Variants in ELAVL1 observed in about 807,000 individuals in gnomAD.
ELAVL1 encodes the protein ELAV-like protein 1.
Under a neutral mutation model 28.4 loss-of-function variants are expected in ELAVL1, and 1 was observed. The ratio of observed to expected loss-of-function variants is 0.04; its 90% CI spans 0.01 to 0.17. The LOEUF (loss-of-function observed/expected upper bound fraction) is 0.17. Ranked by LOEUF, ELAVL1 falls within the 10% of genes least tolerant of loss-of-function variation. The pLI is 1.00. For missense variants in ELAVL1, 157 were observed against 447.2 expected (o/e 0.35, Z 5.85); for synonymous variants, 174 against 183.5 (o/e 0.95, Z 0.42).
At chr19:7,986,466 G>A (rs946536047) in intron 2 of ELAVL1, among the ~76,000 whole-genome samples, 6 of 152,352 alleles carry the variant, frequency 3.9e-5, no homozygotes, top group South Asian at 4.1e-4. Context: ...CACCCTGATC[G>A]GATGTCGCTC....
intron 5 of ELAVL1, among the ~76,000 whole-genome samples, chr19:7,965,002 G>A (rs948945506): frequency 6.6e-6 from 1 of 152,214 alleles, no homozygotes; most frequent in South Asian, 2.1e-4. Flanking sequence ...CGGGGTAAAC[G>A]AGTGCCTTCA....
At chr19:7,973,197 C>T (rs1012395620) in intron 4 of ELAVL1, 1 of 158,150 alleles carries the variant, frequency 6.3e-6, no homozygotes, top group Admixed American at 6.5e-5. Context: ...TTGGCGTTTT[C>T]ACTGTACATG....
intron 2 of ELAVL1, among the ~76,000 whole-genome samples, chr19:7,984,460 A>C (rs1305629596): frequency 6.6e-6 from 1 of 152,322 alleles, no homozygotes; most frequent in South Asian, 2.1e-4. Flanking sequence ...GTATTCCCAG[A>C]AAGTAGAGGT....
At position 7,959,587 on chromosome 19, in the gene ELAVL1, G is replaced by A. The variant is rs148294983; in HGVS notation, c.*3896C>T. The A allele has an allele frequency of 1.3e-5, 2 of 152,118 alleles. No homozygotes were observed. The highest frequency in any genetic ancestry group is 2.9e-5 in the Non-Finnish European group (2 of 68,030). The allele number at this position is 152,118 out of a possible 1,614,324, so 9.4% of individuals were successfully genotyped here. A position where few individuals can be genotyped will look rare whatever the true frequency, so the allele number is the denominator to read the frequency against. On this transcript the variant is annotated 3_prime_UTR_variant, in exon 6 of 6. Coordinates refer to ENST00000407627, the MANE Select transcript of ELAVL1 (RefSeq NM_001419.3). ...TTTTAAATGGCCAAGAAAGAAACCT[G>A]AACGATGTCACTGAAAGGTTGTAGA...
chr19:7,975,496 G>A (rs936370892), intron 3 of ELAVL1, among the ~76,000 whole-genome samples: 2 of 152,228 alleles, frequency 1.3e-5, no homozygotes, highest in Non-Finnish European at 2.9e-5. Flanking sequence ...AACAGCTGGC[G>A]CACAGCAGGC....
Position 7,991,678 on chromosome 19 carries a change from A to T in ELAVL1, c.138T>A (p.Val46=). The T allele has an allele frequency of 1.2e-6, 2 of 1,612,658 alleles. No individual in the cohort carries two copies. Among genetic ancestry groups the T allele is most frequent in the African/African-American group, 1.3e-5 (1 of 74,978 alleles). ...TATCCCGAATAAGTTTTGCAGATTC[A>T]ACTTCACCAATGCTGCTGAACAGGC... ...LRSLFSSIGE[V]ESAKLIRDKV... is the part of the protein sequence containing the mutation. The change falls in exon 2 of 6, where the codon GTT becomes GTA. Residue 46 remains valine, a synonymous_variant. Transcript: ENST00000407627.
chr19:7,963,777 G>A lies in ELAVL1; in HGVS notation c.687C>T (p.Ser229=), dbSNP rs770061141. Residue 229 remains serine, a synonymous_variant, in exon 6 of 6, where the codon AGC becomes AGT. Coordinates refer to ENST00000407627, the MANE Select transcript of ELAVL1 (RefSeq NM_001419.3). This position sits in a 1 kb window ranked among gnomAD's most constrained non-coding sequence, Gnocchi z 4.5. ...CTGGCACGTTGACGCCAGAGAGCCC[G>A]CTCATGTGATCGACGCCCATGGGGG... ...RFSPMGVDHM[S]GLSGVNVPGN... 30 of 1,613,988 alleles carry A rather than the reference G, an allele frequency of 1.9e-5. No homozygotes were observed. Among genetic ancestry groups the A allele is most frequent in the Middle Eastern group, 1.6e-4 (1 of 6,084 alleles).
At chr19:7,968,997 C>A (rs1363685421) in intron 4 of ELAVL1, among the ~76,000 whole-genome samples, 1 of 152,156 alleles carries the variant, frequency 6.6e-6, no homozygotes, top group Admixed American at 6.5e-5. Context: ...AGAGTGACAT[C>A]ACTAGGCGGG....
At chr19:7,968,481 C>A (rs915470082) in intron 4 of ELAVL1, among the ~76,000 whole-genome samples, 3 of 152,262 alleles carry the variant, frequency 2.0e-5, no homozygotes, top group Admixed American at 6.5e-5. Flanking sequence ...TCAAATGAGG[C>A]CAGAACACTG....
intron 5 of ELAVL1, among the ~76,000 whole-genome samples, chr19:7,966,737 G>T (rs1403199577): frequency 6.7e-6 from 1 of 149,892 alleles, no homozygotes; most frequent in African/African-American, 2.5e-5. Flanking sequence ...CTCCCACCAT[G>T]GCCTCCTGAG....
At position 7,963,211 on chromosome 19, in the gene ELAVL1, C is replaced by T; in HGVS notation, c.*272G>A. 3 of 418,492 alleles carry T rather than the reference C, an allele frequency of 7.2e-6. No homozygotes were observed. The highest frequency in any genetic ancestry group is 1.3e-5 in the Non-Finnish European group (3 of 232,228). 25.9% of individuals were successfully genotyped at this position (418,492 alleles called of 1,614,324 possible). Reference sequence around the variant, plus strand: ...TCAGGTTCACCACCATCCAGAGGGACTGGTTAGTCAATGCAGTTCTACTTA... The same window carrying T: ...TCAGGTTCACCACCATCCAGAGGGATTGGTTAGTCAATGCAGTTCTACTTA... On this transcript the variant is annotated 3_prime_UTR_variant, in exon 6 of 6. Coordinates refer to ENST00000407627, the MANE Select transcript of ELAVL1 (RefSeq NM_001419.3). This position sits in a 1 kb window ranked among gnomAD's most constrained non-coding sequence, Gnocchi z 4.5.
rs999316788 is a variant in ELAVL1 at position 7,987,107 on chromosome 19, G to T, written c.172+4537C>A. 2.2e-5 allele frequency among the ~76,000 whole-genome samples: 3 copies of T among 134,482 alleles called. No homozygotes were observed. In the East Asian group the frequency reaches 6.5e-4, roughly 29 times the overall value. 88.2% of individuals were successfully genotyped at this position (134,482 alleles called of 152,430 possible). ...AAGCGCCCAAGAGTAGAGCCTGACC[G>T]GGGGGTGCCGGGGGGGGGGGAGGGT... On this transcript the variant is annotated intron_variant, in intron 2 of 5. Transcript: ENST00000407627.
At chr19:7,971,043 T>G (rs1985096790) in intron 4 of ELAVL1, among the ~76,000 whole-genome samples, 1 of 152,112 alleles carries the variant, frequency 6.6e-6, no homozygotes, top group Non-Finnish European at 1.5e-5. Context: ...CTGGCTCCCT[T>G]CTCTCTGCCT....
intron 2 of ELAVL1, among the ~76,000 whole-genome samples, chr19:7,984,902 C>T (rs1254497747): frequency 2.0e-5 from 3 of 152,218 alleles, no homozygotes; most frequent in Admixed American, 1.3e-4. Context: ...CACCCCCAAC[C>T]AATGAAGTCA....
chr19:7,997,484 T>A (rs1230567481), intron 1 of ELAVL1, among the ~76,000 whole-genome samples: 1 of 151,692 alleles, frequency 6.6e-6, no homozygotes, highest in Admixed American at 6.6e-5. Context: ...GGTTAGGGAG[T>A]GAGGGGAAAA....
intron 4 of ELAVL1, among the ~76,000 whole-genome samples, chr19:7,971,883 G>A (rs977422167): frequency 1.3e-5 from 2 of 152,224 alleles, no homozygotes; most frequent in Admixed American, 1.3e-4. Context: ...CCCAAAGCAC[G>A]CAGCTCAGGG....
At chr19:7,967,908 TAAAC>T (rs1984998082) in intron 4 of ELAVL1, 118 bp from the exon 5 acceptor site, 2 of 1,075,916 alleles carry the variant, frequency 1.9e-6, no homozygotes, top group African/African-American at 1.6e-5. Context: ...GTTAAGGAAA[TAAAC>T]AAAAATTAAA....
rs541482177 is a variant in ELAVL1 at position 7,986,525 on chromosome 19, T to C, written c.172+5119A>G. ...GAGAAATCCTGCCAAGGCTAGCGGA[T>C]AGCAGGGCTGGACAGAAGGAAGGGT... On this transcript the variant is annotated intron_variant, in intron 2 of 5. Transcript: ENST00000407627. Among the ~76,000 whole-genome samples the C allele has an allele frequency of 2.0e-4, 31 of 152,316 alleles. No homozygotes were observed. In the South Asian group the frequency reaches 6.4e-3, roughly 32 times the overall value.
chr19:7,977,763 G>C (rs1396003100), intron 3 of ELAVL1, among the ~76,000 whole-genome samples: 1 of 152,272 alleles, frequency 6.6e-6, no homozygotes, highest in African/African-American at 2.4e-5. Flanking sequence ...TGCGCTCTCT[G>C]TGCAGGGCTG....
Sources: gnomAD v4.1 joint callset for allele counts (sites outside exome capture counted in the v4.1 genomes callset) on GRCh38, gnomAD v4.1.1 for gene constraint, Gnocchi (gnomAD v3.1) non-coding constraint, MANE v1.5 for transcripts, NCBI Gene and HGNC (gene_info 2026-07-23, HGNC 2026-07-21) for gene names.